The following EDIL3 variants were observed in gnomAD, a reference collection of about 807,000 sequenced individuals.
The protein encoded by EDIL3 is EGF-like repeat and discoidin I-like domain-containing protein 3.
In EDIL3, 37 loss-of-function variants were observed where a neutral mutation model predicts 67.4. The observed-to-expected ratio is 0.55, with a 90% CI of 0.42 to 0.72. The LOEUF (loss-of-function observed/expected upper bound fraction) is 0.72. EDIL3 is among the 30% of genes least tolerant of loss of function. The pLI is 0.00. For missense variants in EDIL3, 527 were observed against 586.3 expected (o/e 0.90, Z 1.04); for synonymous variants, 195 against 196.3 (o/e 0.99, Z 0.05).
chr5:84,050,175 G>A (rs1452011954), intron 9 of EDIL3, among the ~76,000 whole-genome samples: 1 of 140,330 alleles, frequency 7.1e-6, no homozygotes. Flanking sequence ...TCCAGCCTGG[G>A]CGACAGAGCG....
intron 6 of EDIL3, among the ~76,000 whole-genome samples, chr5:84,092,685 A>C (rs1204458432): frequency 6.6e-6 from 1 of 152,214 alleles, no homozygotes; most frequent in African/African-American, 2.4e-5. Flanking sequence ...ATAATTTTAC[A>C]TTAACAATAT....
intron 4 of EDIL3, among the ~76,000 whole-genome samples, chr5:84,161,207 G>A (rs551151964): frequency 2.0e-5 from 3 of 152,080 alleles, no homozygotes; most frequent in African/African-American, 7.2e-5. Flanking sequence ...ATTCCATGGT[G>A]TGTATATACC....
intron 1 of EDIL3, among the ~76,000 whole-genome samples, chr5:84,349,100 G>A (rs1250172410): frequency 6.6e-6 from 1 of 151,904 alleles, no homozygotes; most frequent in Non-Finnish European, 1.5e-5. Context: ...TTCCTTTTAA[G>A]AGCTGAATAA....
chr5:84,365,961 C>A (rs868705448), intron 1 of EDIL3, among the ~76,000 whole-genome samples: 1 of 152,014 alleles, frequency 6.6e-6, no homozygotes, highest in Admixed American at 6.6e-5. Flanking sequence ...ATGTATATAA[C>A]CTCTAAAAGG....
rs1251285098 is a variant in EDIL3, at chr5:84,106,776, G to A, written c.524C>T (p.Thr175Ile). 2 of 1,613,026 alleles carry A rather than the reference G, an allele frequency of 1.2e-6. No homozygotes were observed. Among genetic ancestry groups the A allele is most frequent in the Non-Finnish European group, 1.7e-6 (2 of 1,179,476 alleles). The change falls in exon 6 of 11, where the codon ACA becomes ATA. Residue 175 changes from threonine to isoleucine, a missense_variant. By Grantham distance (89) the Thr-to-Ile change is moderately conservative. Around this residue, in one of 2 missense-constraint regions of EDIL3, gnomAD observed 494 missense variants for 522.5 expected, o/e 0.95. Transcript: ENST00000296591. ...AAGAGCTCGGTGAGTAGAGGAAGCT[G>A]TGATTTGCTGGTTTGATATAATTCC... ...EGGIISNQQITASSTHRALFG... is the reference protein window; with the variant it reads ...EGGIISNQQIIASSTHRALFG...
chr5:84,049,842 A>G (rs779686636), intron 9 of EDIL3, among the ~76,000 whole-genome samples: 1 of 152,176 alleles, frequency 6.6e-6, no homozygotes, highest in Non-Finnish European at 1.5e-5. Context: ...TAGAAATAGC[A>G]TAACAATTTT....
At chr5:84,330,088 TATAG>T (rs1746839955) in intron 1 of EDIL3, among the ~76,000 whole-genome samples, 2 of 152,228 alleles carry the variant, frequency 1.3e-5, no homozygotes, top group South Asian at 2.1e-4. Context: ...AGACATATAT[TATAG>T]ATAGTTATTA....
At chr5:84,319,324 C>T (rs190522902) in intron 1 of EDIL3, among the ~76,000 whole-genome samples, 13,607 of 110,534 alleles carry the variant, frequency 0.12, 4,079 homozygotes, top group South Asian at 0.33. Flanking sequence ...ATTAGCCGGG[C>T]GCAGTGGCGG....
intron 3 of EDIL3, among the ~76,000 whole-genome samples, chr5:84,211,001 G>A (rs1041564240): frequency 4.6e-5 from 7 of 152,094 alleles, no homozygotes; most frequent in South Asian, 2.1e-4. Context: ...CCGCCACCCC[G>A]CCCCCCAACC....
At chr5:84,365,028 C>G (rs1747698132) in intron 1 of EDIL3, among the ~76,000 whole-genome samples, 1 of 151,896 alleles carries the variant, frequency 6.6e-6, no homozygotes. Context: ...GGGGTTGTTG[C>G]TGTTCGCTTG....
chr5:84,364,253 G>A (rs554372719), intron 1 of EDIL3, among the ~76,000 whole-genome samples: 3 of 152,254 alleles, frequency 2.0e-5, no homozygotes, highest in Non-Finnish European at 4.4e-5. Flanking sequence ...AAGACAAGTA[G>A]TGGAGAAGCT....
intron 1 of EDIL3, among the ~76,000 whole-genome samples, chr5:84,293,352 A>T (rs551896055): frequency 4.8e-4 from 73 of 152,342 alleles, no homozygotes; most frequent in African/African-American, 1.6e-3. Flanking sequence ...TGGGTAACGT[A>T]AGATGGCAGA....
rs1028157644 is a variant in EDIL3 at position 84,122,350 on chromosome 5, T to C, written c.469+14891A>G. The stretch of plus-strand genomic sequence containing the variant: ...GCATTTTGGCCTTAAAACAACCCCA[T>C]GGAGAGTATCTTTTTATTATTATTA... On this transcript the variant is annotated intron_variant, in intron 5 of 10. Transcript: ENST00000296591. Among the ~76,000 whole-genome samples the C allele has an allele frequency of 2.3e-4, 35 of 152,060 alleles. No homozygotes were observed. In the South Asian group the frequency reaches 3.5e-3, roughly 15 times the overall value.
chr5:84,078,264 C>A (rs1000710928), intron 6 of EDIL3, among the ~76,000 whole-genome samples: 3 of 151,912 alleles, frequency 2.0e-5, no homozygotes, highest in Non-Finnish European at 4.4e-5. Flanking sequence ...CCAGAGGAAT[C>A]GAATATTAAA....
rs1744179334 is a variant in EDIL3, at chr5:84,214,046, T to G, written c.226+15809A>C. The stretch of plus-strand genomic sequence containing the variant: ...CTGCCTCCCTTAACCTCTCCGAGTC[T>G]TTTACCCATACCCAGCATTAGATGA... On this transcript the variant is annotated intron_variant, in intron 3 of 10. Transcript: ENST00000296591. Among the ~76,000 whole-genome samples, 3 of 152,184 alleles carry G rather than the reference T, an allele frequency of 2.0e-5. No individual in the cohort carries two copies. The South Asian group carries it at 6.2e-4, about 31-fold the overall frequency.
chr5:84,313,446 T>C (rs1443091508), intron 1 of EDIL3, among the ~76,000 whole-genome samples: 1 of 152,138 alleles, frequency 6.6e-6, no homozygotes, highest in African/African-American at 2.4e-5. Context: ...GATTCTAAAG[T>C]AAAGGAAAAG....
intron 1 of EDIL3, among the ~76,000 whole-genome samples, chr5:84,365,604 A>T (rs1489267732): frequency 1.3e-5 from 2 of 152,166 alleles, no homozygotes; most frequent in African/African-American, 4.8e-5. Context: ...ATTCTGTTAC[A>T]GTCAAGTACT....
chr5:84,346,331 C>A (rs1337816618), intron 1 of EDIL3, among the ~76,000 whole-genome samples: 2 of 151,926 alleles, frequency 1.3e-5, no homozygotes, highest in East Asian at 3.9e-4. Context: ...GTTAATATTA[C>A]TCCTCTGCCA....
chr5:84,027,232 A>C (rs1745831514), intron 9 of EDIL3, among the ~76,000 whole-genome samples: 1 of 152,250 alleles, frequency 6.6e-6, no homozygotes, highest in South Asian at 2.1e-4. Context: ...TGTGTCGCTT[A>C]CTATAAGAGT....
Sources: allele counts gnomAD v4.1 joint callset (sites outside exome capture counted in the v4.1 genomes callset), GRCh38; gene constraint gnomAD v4.1.1; regional missense constraint gnomAD v4.1.1; transcripts MANE v1.5; gene names NCBI Gene and HGNC (gene_info 2026-07-23, HGNC 2026-07-21).